The following FSIP1 variants were observed in gnomAD, a reference collection of about 807,000 sequenced individuals.
FSIP1 encodes the protein fibrous sheath interacting protein 1, also known as fibrous sheath-interacting protein 1.
In FSIP1, 65 loss-of-function variants were observed where a neutral mutation model predicts 60.9. The observed-to-expected ratio is 1.07, with a 90% CI of 0.87 to 1.31. The LOEUF (loss-of-function observed/expected upper bound fraction) is 1.31. Ranked by LOEUF, FSIP1 falls within the 40% of genes most tolerant of loss-of-function variation. The probability of loss-of-function intolerance (pLI) is 0.00; values close to 1 mark genes in which losing one functional copy is unlikely to be tolerated. For missense variants in FSIP1, 675 were observed against 665.5 expected (o/e 1.01, Z -0.16); for synonymous variants, 209 against 221.2 (o/e 0.94, Z 0.49).
intron 2 of FSIP1, 43 bp from the exon 3 acceptor site, chr15:39,770,653 T>C (rs774273356): frequency 7.8e-7 from 1 of 1,275,616 alleles, no homozygotes; most frequent in Non-Finnish European, 1.0e-6. Context: ...GAAAATACTG[T>C]CTTTTTTTAA....
chr15:39,746,827 G>A (rs1000122180), intron 5 of FSIP1, among the ~76,000 whole-genome samples: 1 of 136,988 alleles, frequency 7.3e-6, no homozygotes, highest in Non-Finnish European at 1.7e-5. Context: ...AAAAATAAAG[G>A]GGGAAGAAGG....
intron 10 of FSIP1, among the ~76,000 whole-genome samples, chr15:39,626,377 G>A (rs1014583125): frequency 1.3e-5 from 2 of 152,204 alleles, no homozygotes; most frequent in Non-Finnish European, 2.9e-5. Flanking sequence ...GGCCAGGTCA[G>A]GGGAGTGTAT....
Position 39,763,932 on chromosome 15 carries a change from A to T in FSIP1, c.466-18T>A. 1 of 1,367,916 alleles carries T rather than the reference A, an allele frequency of 7.3e-7. No homozygotes were observed. The highest frequency in any genetic ancestry group is 1.0e-6 in the Non-Finnish European group (1 of 968,324). The allele number at this position is 1,367,916 out of a possible 1,614,324, so 84.7% of individuals were successfully genotyped here. A position where few individuals can be genotyped will look rare whatever the true frequency, so the allele number is the denominator to read the frequency against. On this transcript the variant is annotated intron_variant, in intron 4 of 11. Coordinates refer to ENST00000350221, the MANE Select transcript of FSIP1 (RefSeq NM_152597.5). ...TTTGCAGACTAATGAAAGGAAAATT[A>T]AAATTTAAACATGGGAAAAGAAGGC...
At chr15:39,614,229 G>A (rs1292324429) in intron 11 of FSIP1, among the ~76,000 whole-genome samples, 1 of 151,908 alleles carries the variant, frequency 6.6e-6, no homozygotes, top group Admixed American at 6.6e-5. Context: ...AATCAGTAAA[G>A]TTACAGGATA....
At position 39,628,545 on chromosome 15, in the gene FSIP1, T is replaced by C. The variant is rs117292524; in HGVS notation, c.1189-10300A>G. Among the ~76,000 whole-genome samples, 28 of 152,268 alleles carry C rather than the reference T, an allele frequency of 1.8e-4. No individual in the cohort carries two copies. In the East Asian group the frequency reaches 5.4e-3, roughly 29 times the overall value. ...AGCCATGCACATGTGTGACATTCCT[T>C]CACATCTTAGACGCATCTCCAGCAC... On this transcript the variant is annotated intron_variant, in intron 10 of 11. Transcript: ENST00000350221.
intron 10 of FSIP1, among the ~76,000 whole-genome samples, chr15:39,639,306 T>A (rs536147759): frequency 6.6e-6 from 1 of 152,282 alleles, no homozygotes; most frequent in East Asian, 1.9e-4. Flanking sequence ...TTTTCCTTGT[T>A]CCTCTGACTA....
At chr15:39,702,616 T>C (rs1895105896) in intron 10 of FSIP1, among the ~76,000 whole-genome samples, 1 of 149,866 alleles carries the variant, frequency 6.7e-6, no homozygotes, top group African/African-American at 2.4e-5. Context: ...AGGCTTCATT[T>C]CAACCTCTAA....
chr15:39,654,773 G>C (rs1485822799), intron 10 of FSIP1, among the ~76,000 whole-genome samples: 1 of 152,164 alleles, frequency 6.6e-6, no homozygotes, highest in African/African-American at 2.4e-5. Flanking sequence ...ATGTGCTCAT[G>C]GACTAAACAG....
rs1896413228 is a variant in FSIP1 at position 39,731,763 on chromosome 15, G to A, written c.892-5016C>T. 3.3e-5 allele frequency among the ~76,000 whole-genome samples: 5 copies of A among 152,100 alleles called. No homozygotes were observed. In the South Asian group the frequency reaches 1.0e-3, roughly 32 times the overall value. ...ACCTTTATAGCCAGGGTTCAGGTAGGTAACTAAGGGTCCACCACCAGACTC... is the reference window on the plus strand; with the variant it reads ...ACCTTTATAGCCAGGGTTCAGGTAGATAACTAAGGGTCCACCACCAGACTC... On this transcript the variant is annotated intron_variant, in intron 8 of 11. Transcript: ENST00000350221.
At chr15:39,603,282 C>G (rs910371955) in intron 11 of FSIP1, among the ~76,000 whole-genome samples, 2 of 152,192 alleles carry the variant, frequency 1.3e-5, no homozygotes, top group African/African-American at 2.4e-5. Flanking sequence ...CATGGCTGCA[C>G]AGCAGAATCA....
chr15:39,753,189 A>T (rs1289995608), intron 5 of FSIP1, among the ~76,000 whole-genome samples: 8 of 152,158 alleles, frequency 5.3e-5, no homozygotes, highest in Non-Finnish European at 1.2e-4. Context: ...AAAGAGTCAG[A>T]GAAGTGCCTC....
intron 5 of FSIP1, among the ~76,000 whole-genome samples, chr15:39,746,623 GA>G (rs1192162913): frequency 6.6e-6 from 1 of 152,064 alleles, no homozygotes; most frequent in East Asian, 1.9e-4. Flanking sequence ...GAAAAAAAAT[GA>G]AAAACAAATG....
At chr15:39,656,041 C>T (rs556308971) in intron 10 of FSIP1, among the ~76,000 whole-genome samples, 3 of 152,174 alleles carry the variant, frequency 2.0e-5, no homozygotes, top group South Asian at 4.2e-4. Context: ...TTTCAAAGGG[C>T]TCTGAATGCC....
rs530865409 is a variant in FSIP1, at chr15:39,769,291, A to G, written c.310+1136T>C. Among the ~76,000 whole-genome samples the G allele has an allele frequency of 7.2e-5, 11 of 152,160 alleles. No individual in the cohort carries two copies. In the South Asian group the frequency reaches 1.7e-3, roughly 23 times the overall value. On this transcript the variant is annotated intron_variant, in intron 3 of 11. Coordinates refer to ENST00000350221, the MANE Select transcript of FSIP1 (RefSeq NM_152597.5). ...GAGACTCCGTCTCAAAAAAAAAAAAAAAAGAAAAGTCTAAGTACTGGAAAG... is the reference window on the plus strand; with the variant it reads ...GAGACTCCGTCTCAAAAAAAAAAAAGAAAGAAAAGTCTAAGTACTGGAAAG...
intron 9 of FSIP1, among the ~76,000 whole-genome samples, chr15:39,720,122 C>T (rs1895896536): frequency 6.6e-6 from 1 of 152,108 alleles, no homozygotes; most frequent in Admixed American, 6.5e-5. Context: ...GTCCATGGCC[C>T]TTACTGGAAC....
At chr15:39,700,425 T>G (rs1895010077) in intron 10 of FSIP1, among the ~76,000 whole-genome samples, 1 of 152,250 alleles carries the variant, frequency 6.6e-6, no homozygotes, top group African/African-American at 2.4e-5. Context: ...AAAGCTTGAC[T>G]CTATACTCTT....
intron 5 of FSIP1, among the ~76,000 whole-genome samples, chr15:39,761,053 C>T (rs995256990): frequency 1.3e-5 from 2 of 152,142 alleles, no homozygotes; most frequent in African/African-American, 4.8e-5. Flanking sequence ...GAATGGCTCT[C>T]ACCAAAAACA....
chr15:39,767,301 T>C (rs1897724853), intron 3 of FSIP1, among the ~76,000 whole-genome samples: 1 of 152,232 alleles, frequency 6.6e-6, no homozygotes, highest in Admixed American at 6.5e-5. Context: ...CCTAGCATTC[T>C]CAGGCTCCGT....
intron 11 of FSIP1, among the ~76,000 whole-genome samples, chr15:39,611,019 A>G (rs993388977): frequency 6.6e-6 from 1 of 152,264 alleles, no homozygotes; most frequent in African/African-American, 2.4e-5. Context: ...GATACATAAA[A>G]CTTATAAAAG....
Sources: allele counts gnomAD v4.1 joint callset (sites outside exome capture counted in the v4.1 genomes callset), GRCh38; gene constraint gnomAD v4.1.1; transcripts MANE v1.5; gene names NCBI Gene and HGNC (gene_info 2026-07-23, HGNC 2026-07-21).